The following IL21R variants were observed in gnomAD, a reference collection of about 807,000 sequenced individuals.
IL21R encodes the protein interleukin-21 receptor.
IL21R carries 14 observed loss-of-function variants against 41.3 expected under a neutral mutation model. That is an observed-to-expected ratio of 0.34 (90% CI 0.22 to 0.53). The LOEUF (loss-of-function observed/expected upper bound fraction) is 0.53. IL21R is among the 20% of genes least tolerant of loss of function. The pLI is 0.94. For missense variants in IL21R, 588 were observed against 681.6 expected, an observed-to-expected ratio of 0.86 and a Z score of 1.53; for synonymous variants, 286 against 287.6, an observed-to-expected ratio of 0.99 and a Z score of 0.05.
intron 1 of IL21R, among the ~76,000 whole-genome samples, chr16:27,416,197 T>C (rs1193916744): frequency 6.6e-6 from 1 of 152,216 alleles, no homozygotes; most frequent in African/African-American, 2.4e-5. Context: ...TCACCCAGGC[T>C]GGAGTTGCAG....
intron 1 of IL21R, among the ~76,000 whole-genome samples, chr16:27,412,337 GC>G (rs1353425781): frequency 6.6e-6 from 1 of 151,480 alleles, no homozygotes; most frequent in Admixed American, 6.6e-5. Flanking sequence ...GATTACTGTA[GC>G]TTTTTAATAC....
In IL21R at chr16:27,450,945, G is replaced by A. The variant is rs1040431361; in HGVS notation, c.*1662G>A. ...CTTCGTGACTCATCTGTGAAGTGGG[G>A]TGGTTGGGAGAGGTAGCTGAGAGAA... is the stretch of plus-strand genomic sequence containing the variant. On this transcript the variant is annotated 3_prime_UTR_variant, in exon 9 of 9. Transcript: ENST00000337929. The A allele has an allele frequency of 1.7e-5, 4 of 232,964 alleles. No individual in the cohort carries two copies. The highest frequency in any genetic ancestry group is 4.5e-5 in the African/African-American group (2 of 44,932). 14.4% of individuals were successfully genotyped at this position (232,964 alleles called of 1,614,324 possible).
At chr16:27,429,139 G>A (rs779818415) in intron 1 of IL21R, among the ~76,000 whole-genome samples, 1 of 152,076 alleles carries the variant, frequency 6.6e-6, no homozygotes, top group East Asian at 1.9e-4. Context: ...CAGGAGAATC[G>A]CTTGAACCTG....
intron 3 of IL21R, among the ~76,000 whole-genome samples, chr16:27,434,768 T>G (rs927649390): frequency 1.3e-5 from 2 of 152,070 alleles, no homozygotes; most frequent in African/African-American, 2.4e-5. Flanking sequence ...ACCCTCACAA[T>G]GATTACTCCC....
intron 1 of IL21R, among the ~76,000 whole-genome samples, chr16:27,403,677 C>T (rs1458502431): frequency 2.6e-5 from 4 of 152,182 alleles, no homozygotes; most frequent in Non-Finnish European, 5.9e-5. Flanking sequence ...GAAAGCTGTG[C>T]TCCTAATGGC....
intron 1 of IL21R, among the ~76,000 whole-genome samples, chr16:27,407,857 C>T (rs780335073): frequency 1.3e-5 from 2 of 150,448 alleles, no homozygotes. Flanking sequence ...CAACAAAAAA[C>T]GTATCCTCAC....
rs2087605964 is a variant in IL21R at position 27,451,953 on chromosome 16, G to A, written c.*2670G>A. On this transcript the variant is annotated 3_prime_UTR_variant, in exon 9 of 9. Transcript: ENST00000337929. Reference sequence around the variant, plus strand: ...AAACAAAGATAAAGATAAAACACAAGTTATACCAGGCCAGCAACTCTATTT... The same window carrying A: ...AAACAAAGATAAAGATAAAACACAAATTATACCAGGCCAGCAACTCTATTT... 1 of 229,786 alleles carries A rather than the reference G, an allele frequency of 4.4e-6. No homozygotes were observed. Among genetic ancestry groups the A allele is most frequent in the East Asian group, 6.2e-5 (1 of 16,170 alleles). 14.2% of individuals were successfully genotyped at this position (229,786 alleles called of 1,614,324 possible).
In IL21R at chr16:27,451,260, C is replaced by A. The variant is rs906125128; in HGVS notation, c.*1977C>A. 1.3e-5 allele frequency: 3 copies of A among 230,420 alleles called. No homozygotes were observed. In the Admixed American group the frequency reaches 1.7e-4, roughly 13 times the overall value. 14.3% of individuals were successfully genotyped at this position (230,420 alleles called of 1,614,324 possible). A position where few individuals can be genotyped will look rare whatever the true frequency, so the allele number is the denominator to read the frequency against. ...GAGCCACAGGCTCCCAGGAAAGCAGCACAGCTCTCCTGCACCCAGAGCTTG... is the reference window on the plus strand; with the variant it reads ...GAGCCACAGGCTCCCAGGAAAGCAGAACAGCTCTCCTGCACCCAGAGCTTG... On this transcript the variant is annotated 3_prime_UTR_variant, in exon 9 of 9. Transcript: ENST00000337929.
chr16:27,425,903 G>C (rs1288467886), intron 1 of IL21R, among the ~76,000 whole-genome samples: 1 of 152,108 alleles, frequency 6.6e-6, no homozygotes, highest in Non-Finnish European at 1.5e-5. Flanking sequence ...CCAGTTTCTA[G>C]GACTCTCAGG....
chr16:27,430,884 C>A (rs2087159206), intron 2 of IL21R, among the ~76,000 whole-genome samples: 1 of 152,120 alleles, frequency 6.6e-6, no homozygotes, highest in South Asian at 2.1e-4. Context: ...ACTGGTGGTC[C>A]CTGGGCTGGG....
chr16:27,434,121 G>C (rs1477387826), intron 2 of IL21R, among the ~76,000 whole-genome samples: 1 of 152,132 alleles, frequency 6.6e-6, no homozygotes, highest in Non-Finnish European at 1.5e-5. Context: ...CATGCATCCT[G>C]TCTTCATAGC....
At chr16:27,405,705 CT>C (rs2086732927) in intron 1 of IL21R, among the ~76,000 whole-genome samples, 1 of 152,324 alleles carries the variant, frequency 6.6e-6, no homozygotes, top group East Asian at 1.9e-4. Context: ...ACCCCCACCC[CT>C]GGCTCACAGG....
intron 2 of IL21R, 35 bp downstream of exon 2, chr16:27,430,155 G>A: frequency 6.3e-7 from 1 of 1,585,752 alleles, no homozygotes; most frequent in Non-Finnish European, 8.6e-7. Flanking sequence ...GGGTGGGGAG[G>A]GCCCCCATCA....
At chr16:27,435,412 C>G (rs910347872) in intron 3 of IL21R, among the ~76,000 whole-genome samples, 1 of 152,114 alleles carries the variant, frequency 6.6e-6, no homozygotes, top group Non-Finnish European at 1.5e-5. Flanking sequence ...ACACACAAAA[C>G]AACCAACAAG....
At chr16:27,440,286 A>AGAGAGAGAGAGAGAGAG (rs1567370101) in intron 4 of IL21R, among the ~76,000 whole-genome samples, 2 of 105,466 alleles carry the variant, frequency 1.9e-5, no homozygotes, top group African/African-American at 8.8e-5. Context: ...GAGAGCGAGC[A>AGAGAGAGAGAGAGAGAG]AGCGCGCGCC....
intron 4 of IL21R, chr16:27,442,660 C>A (rs2087410344): frequency 4.9e-6 from 1 of 202,258 alleles, no homozygotes; most frequent in Non-Finnish European, 9.9e-6. Context: ...CTGCACCCAG[C>A]CAGACTGTTT....
At chr16:27,439,242 A>G (rs2087329654) in intron 4 of IL21R, among the ~76,000 whole-genome samples, 1 of 151,902 alleles carries the variant, frequency 6.6e-6, no homozygotes, top group African/African-American at 2.4e-5. Context: ...ACAGACTCAT[A>G]GATGCGCCCT....
chr16:27,409,979 C>T (rs1036932129), intron 1 of IL21R, among the ~76,000 whole-genome samples: 1 of 152,094 alleles, frequency 6.6e-6, no homozygotes. Flanking sequence ...ATAGTATGTA[C>T]CACCACTTAT....
chr16:27,444,419 T>C lies in IL21R; in HGVS notation c.508-123T>C, dbSNP rs566875921. The C allele has an allele frequency of 1.8e-5, 11 of 610,042 alleles. No individual in the cohort carries two copies. In the East Asian group the frequency reaches 3.8e-4, roughly 21 times the overall value. 37.8% of individuals were successfully genotyped at this position (610,042 alleles called of 1,614,324 possible). Reference sequence around the variant, plus strand: ...AGCTACTCAGGCATAGGCTTGATTCTTGTGGGAAGAGAAGAGACACTCAGC... The same window carrying C: ...AGCTACTCAGGCATAGGCTTGATTCCTGTGGGAAGAGAAGAGACACTCAGC... On this transcript the variant is annotated intron_variant, in intron 5 of 8. Transcript: ENST00000337929.
Sources: gnomAD v4.1 joint callset for allele counts (sites outside exome capture counted in the v4.1 genomes callset) on GRCh38, gnomAD v4.1.1 for gene constraint, MANE v1.5 for transcripts, NCBI Gene and HGNC (gene_info 2026-07-23, HGNC 2026-07-21) for gene names.